Variants in OPCML observed in about 807,000 individuals in gnomAD.
OPCML encodes opioid binding protein/cell adhesion molecule like, also known as opioid-binding protein/cell adhesion molecule.
A neutral mutation model predicts 37.8 loss-of-function variants in OPCML; 13 were observed. The observed-to-expected ratio is 0.34, with a 90% CI of 0.22 to 0.55. OPCML has a LOEUF of 0.55. Ranked by LOEUF, OPCML falls within the 20% of genes least tolerant of loss-of-function variation. The pLI, the probability that OPCML is intolerant of heterozygous loss-of-function variation, is 0.91. For missense variants in OPCML, 341 were observed against 435.6 expected (o/e 0.78, Z 1.93); for synonymous variants, 176 against 168.8 (o/e 1.04, Z -0.33).
At chr11:132,566,397 C>T (rs1565670986) in intron 3 of OPCML, among the ~76,000 whole-genome samples, 1 of 152,164 alleles carries the variant, frequency 6.6e-6, no homozygotes, top group Non-Finnish European at 1.5e-5. Context: ...ACTCTTTCAG[C>T]ACAGCTCTTT....
chr11:132,796,565 C>CTTTTTTTTTT (rs71067396), intron 2 of OPCML, among the ~76,000 whole-genome samples: 2 of 88,558 alleles, frequency 2.3e-5, no homozygotes, highest in Non-Finnish European at 4.2e-5. Flanking sequence ...TTTCTTCTTT[C>CTTTTTTTTTT]TTTTTTTTTT....
chr11:132,651,943 G>A (rs150656209), intron 3 of OPCML, among the ~76,000 whole-genome samples: 1 of 152,298 alleles, frequency 6.6e-6, no homozygotes, highest in Non-Finnish European at 1.5e-5. Flanking sequence ...AGGCAGGAAA[G>A]CAGGTAGAGA....
intron 1 of OPCML, among the ~76,000 whole-genome samples, chr11:133,060,682 CA>C (rs1948325862): frequency 6.6e-6 from 1 of 152,236 alleles, no homozygotes; most frequent in Admixed American, 6.5e-5. Context: ...GTGCCTCATT[CA>C]AGATTCTACG....
At chr11:133,473,921 C>T (rs1042617163) in intron 1 of OPCML, among the ~76,000 whole-genome samples, 2 of 152,188 alleles carry the variant, frequency 1.3e-5, no homozygotes, top group South Asian at 2.1e-4. Context: ...TACAGAGTAA[C>T]ACTTTAATAA....
intron 2 of OPCML, among the ~76,000 whole-genome samples, chr11:132,793,325 T>TAACAAGCCC (rs1938066631): frequency 6.6e-6 from 1 of 152,188 alleles, no homozygotes. Context: ...TCCGCAGAAA[T>TAACAAGCCC]TACAAGCCCT....
intron 2 of OPCML, among the ~76,000 whole-genome samples, chr11:132,834,989 A>G (rs1233826418): frequency 1.2e-3 from 19 of 16,374 alleles, no homozygotes; most frequent in Non-Finnish European, 5.9e-4. Flanking sequence ...GGCACTTTGT[A>G]AAAAAAAAAA....
chr11:133,348,791 A>G (rs1944060184), intron 1 of OPCML, among the ~76,000 whole-genome samples: 1 of 152,366 alleles, frequency 6.6e-6, no homozygotes, highest in African/African-American at 2.4e-5. Flanking sequence ...GAGGTAGACC[A>G]TGTGGGACAG....
chr11:133,101,742 T>G (rs983154920), intron 1 of OPCML, among the ~76,000 whole-genome samples: 1 of 152,190 alleles, frequency 6.6e-6, no homozygotes, highest in African/African-American at 2.4e-5. Context: ...ATTGAAAACT[T>G]ATGCCCATAA....
At chr11:132,448,055 C>A (rs1172564554) in intron 4 of OPCML, among the ~76,000 whole-genome samples, 3 of 152,176 alleles carry the variant, frequency 2.0e-5, no homozygotes, top group African/African-American at 7.2e-5. Context: ...AAGTACCAGA[C>A]CTGCCCCTTT....
chr11:133,381,037 A>C (rs1944917818), intron 1 of OPCML, among the ~76,000 whole-genome samples: 1 of 152,232 alleles, frequency 6.6e-6, no homozygotes, highest in East Asian at 1.9e-4. Flanking sequence ...AATGTGTGCT[A>C]CACCCAGAGT....
At chr11:133,526,910 A>C (rs575506195) in intron 1 of OPCML, among the ~76,000 whole-genome samples, 1 of 152,358 alleles carries the variant, frequency 6.6e-6, no homozygotes, top group African/African-American at 2.4e-5. Flanking sequence ...CTGTCTGGAA[A>C]GTGCCAGTCG....
intron 2 of OPCML, among the ~76,000 whole-genome samples, chr11:132,819,012 GAAAA>G (rs528161693): frequency 8.3e-6 from 1 of 121,198 alleles, no homozygotes; most frequent in African/African-American, 3.0e-5. Flanking sequence ...TTACAAAGTC[GAAAA>G]AAAAAAAAAA....
At chr11:133,530,328 G>T (rs1948579271) in intron 1 of OPCML, among the ~76,000 whole-genome samples, 1 of 152,238 alleles carries the variant, frequency 6.6e-6, no homozygotes, top group South Asian at 2.1e-4. Context: ...GCAGACTGGG[G>T]CTCACCCCCC....
intron 1 of OPCML, among the ~76,000 whole-genome samples, chr11:132,991,889 G>A (rs1946784610): frequency 6.6e-6 from 1 of 151,568 alleles, no homozygotes; most frequent in African/African-American, 2.4e-5. Context: ...CCAGAAAAGG[G>A]TTATAATATC....
chr11:132,631,616 C>A (rs774877493), intron 3 of OPCML, among the ~76,000 whole-genome samples: 1 of 150,452 alleles, frequency 6.6e-6, no homozygotes, highest in Non-Finnish European at 1.5e-5. Flanking sequence ...CCCGCCACCA[C>A]GCCCGGCTAA....
intron 4 of OPCML, among the ~76,000 whole-genome samples, chr11:132,494,000 C>A (rs1373965388): frequency 1.3e-5 from 2 of 152,202 alleles, no homozygotes; most frequent in Non-Finnish European, 2.9e-5. Context: ...CCAGCTGTTG[C>A]CAGCTGTGCT....
At position 132,943,491 on chromosome 11, in the gene OPCML, A is replaced by C. The variant is rs1038959149; in HGVS notation, c.62-481T>G. 8 of 241,584 alleles carry C rather than the reference A, an allele frequency of 3.3e-5. No homozygotes were observed. The highest frequency in any genetic ancestry group is 6.6e-5 in the Non-Finnish European group (8 of 121,680). The allele number at this position is 241,584 out of a possible 1,614,324, so 15.0% of individuals were successfully genotyped here. A position where few individuals can be genotyped will look rare whatever the true frequency, so the allele number is the denominator to read the frequency against. Reference sequence around the variant, plus strand: ...ACGTTCTGCAGAGCTCTGGCATCAAAAGTTTATAACCCAAAGAAGAAGGCA... The same window carrying C: ...ACGTTCTGCAGAGCTCTGGCATCAACAGTTTATAACCCAAAGAAGAAGGCA... On this transcript the variant is annotated intron_variant, in intron 1 of 7. Transcript: ENST00000524381. The surrounding 1 kb of genome is among the most constrained non-coding windows in gnomAD (Gnocchi z 4.3).
At chr11:133,142,381 C>G (rs1949836291) in intron 1 of OPCML, among the ~76,000 whole-genome samples, 1 of 152,192 alleles carries the variant, frequency 6.6e-6, no homozygotes, top group Admixed American at 6.5e-5. Context: ...GTCCATGTCA[C>G]TCTTGCTGTT....
intron 2 of OPCML, among the ~76,000 whole-genome samples, chr11:132,835,353 A>C (rs1362884114): frequency 6.6e-6 from 1 of 152,240 alleles, no homozygotes; most frequent in Non-Finnish European, 1.5e-5. Flanking sequence ...CAAAGTGGAA[A>C]GAATTGCATT....
Sources: allele counts gnomAD v4.1 joint callset (sites outside exome capture counted in the v4.1 genomes callset), GRCh38; gene constraint gnomAD v4.1.1; non-coding constraint Gnocchi (gnomAD v3.1); transcripts MANE v1.5; gene names NCBI Gene and HGNC (gene_info 2026-07-23, HGNC 2026-07-21).